Variants in SLC26A9 observed in about 807,000 individuals in gnomAD.
SLC26A9 encodes anion transporter/exchanger protein 9.
Under a neutral mutation model 87.1 loss-of-function variants are expected in SLC26A9, and 46 were observed. The ratio of observed to expected loss-of-function variants is 0.53; its 90% confidence interval spans 0.42 to 0.67. The LOEUF (loss-of-function observed/expected upper bound fraction) is 0.67. Among genes scored for constraint, SLC26A9 ranks in the 30% least tolerant of loss-of-function variants. The pLI, the probability that SLC26A9 is intolerant of heterozygous loss-of-function variation, is 0.00. For missense variants in SLC26A9, 927 were observed against 1,018.3 expected (o/e 0.91, Z 1.22); for synonymous variants, 437 against 409.1 (o/e 1.07, Z -0.82).
At chr1:205,927,418 T>C in intron 10 of SLC26A9, 74 bp downstream of exon 10, 2 of 1,548,976 alleles carry the variant, frequency 1.3e-6, no homozygotes, top group Non-Finnish European at 1.8e-6. Context: ...CTGGCCTGGC[T>C]TGCAGTGCCC....
intron 17 of SLC26A9, 103 bp from the exon 18 acceptor site, chr1:205,920,333 A>G: frequency 1.4e-6 from 2 of 1,403,602 alleles, no homozygotes; most frequent in Non-Finnish European, 2.0e-6. Flanking sequence ...CCAAACAAAT[A>G]AGCAACCCTG....
chr1:205,917,583 G>T (rs574736850), intron 19 of SLC26A9, among the ~76,000 whole-genome samples: 4 of 152,238 alleles, frequency 2.6e-5, no homozygotes, highest in East Asian at 3.9e-4. Flanking sequence ...TTTGTGGGCC[G>T]TTAGAGGCAG....
Position 205,914,908 on chromosome 1 carries a change from C to A in SLC26A9, c.*449G>T. On this transcript the variant is annotated 3_prime_UTR_variant, in exon 21 of 21. Coordinates refer to ENST00000367135, the MANE Select transcript of SLC26A9 (RefSeq NM_052934.4). ...AGTTTATCCCTATGTCCGTGACAGC[C>A]TGACACCATCTGACACCGAGCCGTG... The A allele has an allele frequency of 6.2e-7, 1 of 1,612,866 alleles. No individual in the cohort carries two copies. Among genetic ancestry groups the A allele is most frequent in the Non-Finnish European group, 8.5e-7 (1 of 1,179,266 alleles).
At chr1:205,926,697 C>G in intron 11 of SLC26A9, 67 bp from the exon 12 acceptor site, 1 of 1,340,560 alleles carries the variant, frequency 7.5e-7, no homozygotes, top group South Asian at 1.2e-5. Context: ...CTGCGCATAC[C>G]CGACCCCAAG....
intron 9 of SLC26A9, 109 bp from the exon 10 acceptor site, chr1:205,927,714 C>T (rs1044345847): frequency 7.3e-7 from 1 of 1,376,516 alleles, no homozygotes; most frequent in Non-Finnish European, 1.0e-6. Flanking sequence ...GAGAGTGACC[C>T]AGTGGCTATA....
In SLC26A9 at chr1:205,923,086, G is replaced by C. The variant is rs749065400; in HGVS notation, c.1769C>G (p.Thr590Ser). 5.0e-6 allele frequency: 8 copies of C among 1,613,882 alleles called. No individual in the cohort carries two copies. Among genetic ancestry groups the C allele is most frequent in the Non-Finnish European group, 5.9e-6 (7 of 1,179,882 alleles). Residue 590 changes from threonine to serine, a missense_variant, in exon 16 of 21, where the codon ACC becomes AGC. Coordinates refer to ENST00000367135, the MANE Select transcript of SLC26A9 (RefSeq NM_052934.4). Reference protein sequence around the residue: ...TQQRRSLFMKTKTVSLQELQQ... With the variant: ...TQQRRSLFMKSKTVSLQELQQ... ...CTGCTTCTGGCCTTCATTCACCTTGGTTTTCATGAATAGAGACCTCCTCTG... is the reference window on the plus strand; with the variant it reads ...CTGCTTCTGGCCTTCATTCACCTTGCTTTTCATGAATAGAGACCTCCTCTG...
rs75021701 is a variant in SLC26A9, at chr1:205,933,002, A to T, written c.208T>A (p.Tyr70Asn). The change falls in exon 3 of 21, where the codon TAC (tyrosine) becomes AAC (asparagine). Residue 70 changes from tyrosine (Y) to asparagine (N), a missense_variant. Transcript: ENST00000367135. ...CCACCGAGCAGGTCAGGAATGATGT[A>T]GTCTTTAATCTTGTACTTGGGGAGC... Reference protein sequence around the residue: ...SWLPKYKIKDYIIPDLLGGLS... With the variant: ...SWLPKYKIKDNIIPDLLGGLS... 2.4e-3 allele frequency: 3,935 copies of T among 1,614,142 alleles called. 80 individuals are homozygous for T. In the African/African-American group the frequency reaches 0.047, roughly 19 times the overall value.
At chr1:205,942,733 C>G (rs549525569) in intron 1 of SLC26A9, among the ~76,000 whole-genome samples, 1 of 152,184 alleles carries the variant, frequency 6.6e-6, no homozygotes, top group Non-Finnish European at 1.5e-5. Context: ...GTCCAGCTAC[C>G]GCCCACCCGC....
At chr1:205,915,541 TGTGTGTGCGAGA>T (rs1020338281) in intron 20 of SLC26A9, 137 bp from the exon 21 acceptor site, 11 of 1,165,930 alleles carry the variant, frequency 9.4e-6, no homozygotes, top group Non-Finnish European at 1.1e-5. Context: ...TGTGTGTGTG[TGTGTGTGCGAGA>T]GTGTGTGTGA....
chr1:205,942,547 G>A (rs114830235), intron 1 of SLC26A9, among the ~76,000 whole-genome samples: 7 of 152,316 alleles, frequency 4.6e-5, no homozygotes, highest in Non-Finnish European at 1.0e-4. Context: ...CTCAGCTGGG[G>A]ACCCTCTGGG....
At chr1:205,919,764 T>G (rs928675426) in intron 18 of SLC26A9, among the ~76,000 whole-genome samples, 10 of 152,234 alleles carry the variant, frequency 6.6e-5, no homozygotes, top group African/African-American at 2.4e-4. Flanking sequence ...TAGGGTACCG[T>G]GTGCTCTATG....
At chr1:205,919,159 C>A (rs1658718857) in intron 18 of SLC26A9, among the ~76,000 whole-genome samples, 174 bp from the exon 19 acceptor site, 1 of 152,142 alleles carries the variant, frequency 6.6e-6, no homozygotes, top group African/African-American at 2.4e-5. Flanking sequence ...CGGCAGAGGG[C>A]AACATGAACT....
chr1:205,927,860 T>G (rs1659142166), intron 9 of SLC26A9, 42 bp downstream of exon 9: 5 of 1,598,368 alleles, frequency 3.1e-6, no homozygotes, highest in Non-Finnish European at 4.3e-6. Context: ...AGGCCTGAGT[T>G]GACCTGTCCT....
At chr1:205,939,999 A>G (rs1659670639) in intron 1 of SLC26A9, among the ~76,000 whole-genome samples, 1 of 152,130 alleles carries the variant, frequency 6.6e-6, no homozygotes, top group Admixed American at 6.5e-5. Flanking sequence ...ACTGAGAAAC[A>G]AAAGGGTGAC....
At chr1:205,933,154 A>G in intron 2 of SLC26A9, 70 bp from the exon 3 acceptor site, 1 of 1,582,046 alleles carries the variant, frequency 6.3e-7, no homozygotes, top group South Asian at 1.1e-5. Context: ...GAGAGGGATT[A>G]TCATATCCTG....
chr1:205,932,563 TCA>T (rs1317280055), intron 4 of SLC26A9, 137 bp downstream of exon 4: 1 of 642,896 alleles, frequency 1.6e-6, no homozygotes, highest in Non-Finnish European at 2.5e-6. Context: ...GAAATGACAT[TCA>T]CAGTGACCAT....
chr1:205,914,760 GA>G lies in SLC26A9; in HGVS notation c.*596del, dbSNP rs557217837. On this transcript the variant is annotated 3_prime_UTR_variant, in exon 21 of 21. Coordinates refer to ENST00000367135, the MANE Select transcript of SLC26A9 (RefSeq NM_052934.4). ...GGTTTGGGCAGCCTTGGGGATGATG[GA>G]GGGGGGGCGCATAGTTACCAAGGCC... The G allele has an allele frequency of 2.1e-5, 24 of 1,147,102 alleles. No individual in the cohort carries two copies. In the African/African-American group the frequency reaches 3.2e-4, roughly 16 times the overall value. The allele number at this position is 1,147,102 out of a possible 1,614,324, so 71.1% of individuals were successfully genotyped here. A position where few individuals can be genotyped will look rare whatever the true frequency, so the allele number is the denominator to read the frequency against.
chr1:205,943,300 G>A (rs538404604), intron 1 of SLC26A9, 65 bp downstream of exon 1: 2 of 152,366 alleles, frequency 1.3e-5, no homozygotes, highest in Non-Finnish European at 2.9e-5. Context: ...CGGTACCCCT[G>A]GTGACTGCCC....
chr1:205,916,026 G>T (rs1658577511), intron 20 of SLC26A9, among the ~76,000 whole-genome samples: 2 of 152,148 alleles, frequency 1.3e-5, no homozygotes, highest in South Asian at 2.1e-4. Flanking sequence ...TTAATTCAGG[G>T]CATTGGTGGG....
Sources: allele counts gnomAD v4.1 joint callset (sites outside exome capture counted in the v4.1 genomes callset), GRCh38; gene constraint gnomAD v4.1.1; transcripts MANE v1.5; gene names NCBI Gene and HGNC (gene_info 2026-07-23, HGNC 2026-07-21).